Variants in SYTL1 observed in about 807,000 individuals in gnomAD.
The protein encoded by SYTL1 is synaptotagmin-like protein 1.
Under a neutral mutation model 74.6 loss-of-function variants are expected in SYTL1, and 53 were observed. That is an observed-to-expected ratio of 0.71 (90% CI 0.57 to 0.89). SYTL1 has a LOEUF of 0.89. Among genes scored for constraint, SYTL1 ranks in the 40% least tolerant of loss-of-function variants. SYTL1 has a pLI of 0.00. For synonymous variants in SYTL1, 329 were observed against 324.9 expected (o/e 1.01, Z -0.14); for missense variants, 728 against 768.7 (o/e 0.95, Z 0.63).
At chr1:27,349,307 T>G in intron 6 of SYTL1, 91 bp from the exon 7 acceptor site, 1 of 1,455,432 alleles carries the variant, frequency 6.9e-7, no homozygotes, top group Non-Finnish European at 9.1e-7. Flanking sequence ...GGCCTGAATC[T>G]GCAGCTCGCT....
rs766353876 is a variant in SYTL1 at position 27,349,199 on chromosome 1, A to G, written c.532+47A>G. On this transcript the variant is annotated intron_variant, in intron 6 of 14. Transcript: ENST00000616558. ...GGAGCACGGAGAGGTTTCGCGGGTC[A>G]GAGGCAGCTCTAAGGGGCCCCAACC... is the stretch of plus-strand genomic sequence containing the variant. The G allele has an allele frequency of 5.6e-6, 9 of 1,593,212 alleles. No homozygotes were observed. The South Asian group carries it at 8.9e-5, about 16-fold the overall frequency.
Position 27,343,580 on chromosome 1 carries a change from G to A in SYTL1, c.-39+1430G>A, listed in dbSNP as rs1020435410. On this transcript the variant is annotated intron_variant, in intron 1 of 14. Coordinates refer to ENST00000616558, the MANE Select transcript of SYTL1 (RefSeq NM_001193308.2). The surrounding 1 kb of genome is among the most constrained non-coding windows in gnomAD (Gnocchi z 5.2). ...GCTGTGAGGTTCCTGGTGCGGGGGA[G>A]TGAGCAGATGTGTGTGTGTGTACGT... Among the ~76,000 whole-genome samples the A allele has an allele frequency of 6.6e-6, 1 of 152,082 alleles. No homozygotes were observed. The highest frequency in any genetic ancestry group is 2.1e-4 in the South Asian group (1 of 4,824).
chr1:27,349,303 A>T (rs2015135420), intron 6 of SYTL1, 95 bp from the exon 7 acceptor site: 1 of 1,458,052 alleles, frequency 6.9e-7, no homozygotes, highest in African/African-American at 1.4e-5. Flanking sequence ...CCGGGGCCTG[A>T]ATCTGCAGCT....
At position 27,353,505 on chromosome 1, in the gene SYTL1, C is replaced by T. The variant is rs375818150; in HGVS notation, c.1549+17C>T. 47 of 1,585,404 alleles carry T rather than the reference C, an allele frequency of 3.0e-5. No individual in the cohort carries two copies. The East Asian group carries it at 5.9e-4, about 20-fold the overall frequency. ...TGGGCACCGGTAAGTGGGACAGCAC[C>T]CTGAGACAGGCCCTGGGACAGGCCC... On this transcript the variant is annotated intron_variant, in intron 14 of 14. Coordinates refer to ENST00000616558, the MANE Select transcript of SYTL1 (RefSeq NM_001193308.2).
In SYTL1 at chr1:27,349,954, A is replaced by C. The variant is rs1264564175; in HGVS notation, c.748-18A>C. 3 of 1,569,034 alleles carry C rather than the reference A, an allele frequency of 1.9e-6. No individual in the cohort carries two copies. In the African/African-American group the frequency reaches 4.1e-5, roughly 21 times the overall value. ...AGCCCTGCGAGCGGCCCTGACTCCC[A>C]CCCACTCCCGTCCGCAGCTGAGCGG... On this transcript the variant is annotated intron_variant, in intron 8 of 14. Transcript: ENST00000616558.
intron 1 of SYTL1, among the ~76,000 whole-genome samples, chr1:27,344,505 T>C (rs977084089): frequency 1.3e-5 from 2 of 149,384 alleles, no homozygotes; most frequent in African/African-American, 2.4e-5. Context: ...CCTCCCAAAG[T>C]GTTGGGATTA....
At chr1:27,353,195 T>G in intron 13 of SYTL1, 88 bp from the exon 14 acceptor site, 1 of 1,331,350 alleles carries the variant, frequency 7.5e-7, no homozygotes, top group Non-Finnish European at 1.0e-6. Context: ...CATGGACATA[T>G]GTGAGAGAGA....
In SYTL1 at chr1:27,343,480, G is replaced by A. The variant is rs1272195194; in HGVS notation, c.-39+1330G>A. 6.7e-6 allele frequency among the ~76,000 whole-genome samples: 1 copy of A among 149,218 alleles called. No homozygotes were observed. The highest frequency in any genetic ancestry group is 1.5e-5 in the Non-Finnish European group (1 of 68,006). On this transcript the variant is annotated intron_variant, in intron 1 of 14. Coordinates refer to ENST00000616558, the MANE Select transcript of SYTL1 (RefSeq NM_001193308.2). The surrounding 1 kb of genome is among the most constrained non-coding windows in gnomAD (Gnocchi z 5.2). ...GGAGAGGAAGTTGGGGGTGTGGGCTGAGGAGGAGGTTGCCTCAGACAGGAA... is the reference window on the plus strand; with the variant it reads ...GGAGAGGAAGTTGGGGGTGTGGGCTAAGGAGGAGGTTGCCTCAGACAGGAA...
chr1:27,349,775 G>A lies in SYTL1; in HGVS notation c.747+10G>A, dbSNP rs1347036966. The A allele has an allele frequency of 3.1e-6, 5 of 1,589,694 alleles. No homozygotes were observed. The highest frequency in any genetic ancestry group is 4.3e-6 in the Non-Finnish European group (5 of 1,174,128). On this transcript the variant is annotated intron_variant, in intron 8 of 14. Transcript: ENST00000616558. The stretch of plus-strand genomic sequence containing the variant: ...CCTTAACTCCTCCACGGTGAGGCGG[G>A]AGGGAGGGGACCCGGGCGGCCGGGG...
At chr1:27,346,975 A>G (rs1344521059) in intron 2 of SYTL1, among the ~76,000 whole-genome samples, 1 of 151,830 alleles carries the variant, frequency 6.6e-6, no homozygotes, top group East Asian at 1.9e-4. Context: ...ATAAAAAATT[A>G]GCTGGGCATG....
chr1:27,349,446 A>G lies in SYTL1; in HGVS notation c.581A>G (p.Glu194Gly). ...QQVCAEEADPELEPASGGEQE... is the reference protein window; with the variant it reads ...QQVCAEEADPGLEPASGGEQE... The stretch of plus-strand genomic sequence containing the variant: ...GTCTGTGCCGAGGAGGCTGACCCGG[A>G]GCTGGAGCCCGCGTCGGGGGGAGAG... Residue 194 changes from glutamate to glycine, a missense_variant, in exon 7 of 15, where the codon GAG (glutamate) becomes GGG (glycine). Physicochemically the swap from Glu to Gly is moderately conservative, Grantham distance 98. Coordinates refer to ENST00000616558, the MANE Select transcript of SYTL1 (RefSeq NM_001193308.2). 6.9e-7 allele frequency: 1 copy of G among 1,453,602 alleles called. No individual in the cohort carries two copies. The highest frequency in any genetic ancestry group is 1.5e-5 in the South Asian group (1 of 68,178). 90.0% of individuals were successfully genotyped at this position (1,453,602 alleles called of 1,614,324 possible).
rs2014946869 is a variant in SYTL1, at chr1:27,345,286, TCTGCCCC to T, written c.-38-9_-38-3del. 2.9e-6 allele frequency: 4 copies of T among 1,388,710 alleles called. No homozygotes were observed. Among genetic ancestry groups the T allele is most frequent in the Non-Finnish European group, 3.8e-6 (4 of 1,051,196 alleles). 86.0% of individuals were successfully genotyped at this position (1,388,710 alleles called of 1,614,324 possible). On this transcript the variant is annotated splice_polypyrimidine_tract_variant and splice_region_variant and intron_variant, in intron 1 of 14. Coordinates refer to ENST00000616558, the MANE Select transcript of SYTL1 (RefSeq NM_001193308.2). This position sits in a 1 kb window ranked among gnomAD's most constrained non-coding sequence, Gnocchi z 6.0. ...GTGCAGGGCTTGACCTGACCCTCGGTCTGCCCCCAGGAAGCTCCGTGTGCCCAGCTGG... is the reference window on the plus strand; with the variant it reads ...GTGCAGGGCTTGACCTGACCCTCGGTCAGGAAGCTCCGTGTGCCCAGCTGG...
Position 27,347,319 on chromosome 1 carries a change from C to A in SYTL1, c.192-102C>A, listed in dbSNP as rs1265314435. The A allele has an allele frequency of 2.7e-6, 4 of 1,495,738 alleles. No individual in the cohort carries two copies. Among genetic ancestry groups the A allele is most frequent in the Non-Finnish European group, 3.7e-6 (4 of 1,086,402 alleles). The allele number at this position is 1,495,738 out of a possible 1,614,324, so 92.7% of individuals were successfully genotyped here. A position where few individuals can be genotyped will look rare whatever the true frequency, so the allele number is the denominator to read the frequency against. On this transcript the variant is annotated intron_variant, in intron 2 of 14. Transcript: ENST00000616558. The surrounding 1 kb of genome is among the most constrained non-coding windows in gnomAD (Gnocchi z 4.9). ...CACAGCACAGATCAAGTCTGATTTG[C>A]TGTTGGGTCCCTGGCCCCTGGTCCC...
At position 27,345,496 on chromosome 1, in the gene SYTL1, C is replaced by T. The variant is rs1383132605; in HGVS notation, c.162C>T (p.Arg54=). Residue 54 remains arginine, a synonymous_variant, in exon 2 of 15, where the codon CGC becomes CGT. Transcript: ENST00000616558. The surrounding 1 kb of genome is among the most constrained non-coding windows in gnomAD (Gnocchi z 6.0). ...AIAGVLQRDA[R]LRQLEEGRVS... ...CTGGCGTCCTCCAACGAGATGCCCG[C>T]CTGCGCCAGCTGGAGGAGGGGCGGG... 6 of 1,557,420 alleles carry T rather than the reference C, an allele frequency of 3.9e-6. No homozygotes were observed. Among genetic ancestry groups the T allele is most frequent in the African/African-American group, 1.4e-5 (1 of 73,786 alleles).
In SYTL1 at chr1:27,343,761, T is replaced by G. The variant is rs1393500259; in HGVS notation, c.-38-1536T>G. On this transcript the variant is annotated intron_variant, in intron 1 of 14. Transcript: ENST00000616558. The surrounding 1 kb of genome is among the most constrained non-coding windows in gnomAD (Gnocchi z 5.2). ...TTGAGGGTGACTCCCTCTCCCTGCC[T>G]CCAAGGAGCTCACAACCCAGTTAGC... Among the ~76,000 whole-genome samples the G allele has an allele frequency of 3.3e-5, 5 of 152,178 alleles. No individual in the cohort carries two copies. The highest frequency in any genetic ancestry group is 1.2e-4 in the African/African-American group (5 of 41,450).
In SYTL1 at chr1:27,345,409, G is replaced by C. The variant is rs2014955520; in HGVS notation, c.75G>C (p.Lys25Asn). The C allele has an allele frequency of 1.3e-6, 2 of 1,560,712 alleles. No individual in the cohort carries two copies. Among genetic ancestry groups the C allele is most frequent in the South Asian group, 1.2e-5 (1 of 84,576 alleles). The part of the protein sequence containing the change: ...LPSLPMAHGP[K>N]PETEGLLDLS... The stretch of plus-strand genomic sequence containing the variant: ...CCCTCCCCATGGCGCATGGGCCAAA[G>C]CCTGAGACTGAAGGACTGTTGGACC... The change falls in exon 2 of 15, where the codon AAG becomes AAC. Residue 25 changes from lysine (K) to asparagine (N), a missense_variant. Coordinates refer to ENST00000616558, the MANE Select transcript of SYTL1 (RefSeq NM_001193308.2). The surrounding 1 kb of genome is among the most constrained non-coding windows in gnomAD (Gnocchi z 6.0).
Position 27,348,438 on chromosome 1 carries a change from G to A in SYTL1, c.459+426G>A, listed in dbSNP as rs767954374. Among the ~76,000 whole-genome samples the A allele has an allele frequency of 3.3e-5, 5 of 151,716 alleles. No homozygotes were observed. Among genetic ancestry groups the A allele is most frequent in the South Asian group, 2.1e-4 (1 of 4,794 alleles). ...AAAAAATAAATAAAAAAAAAAGGCC[G>A]GTCGTGGCAGCTCACGCCTATAATC... is the stretch of plus-strand genomic sequence containing the variant. On this transcript the variant is annotated intron_variant, in intron 5 of 14. Transcript: ENST00000616558. This position sits in a 1 kb window ranked among gnomAD's most constrained non-coding sequence, Gnocchi z 4.1.
At position 27,346,634 on chromosome 1, in the gene SYTL1, C is replaced by T. The variant is rs137943489; in HGVS notation, c.192-787C>T. Among the ~76,000 whole-genome samples the T allele has an allele frequency of 2.3e-3, 356 of 152,030 alleles. 5 individuals carry two copies. The highest frequency in any genetic ancestry group is 8.0e-3 in the African/African-American group (333 of 41,452). ...AAAATTAGCCTGGCGTGGTGGTGTG[C>T]GCCTGTAGTCCCAGCTATTTAGGCA... On this transcript the variant is annotated intron_variant, in intron 2 of 14. Transcript: ENST00000616558.
Position 27,350,145 on chromosome 1 carries a change from C to G in SYTL1, c.908+13C>G, listed in dbSNP as rs781290225. On this transcript the variant is annotated intron_variant, in intron 9 of 14. Transcript: ENST00000616558. The surrounding 1 kb of genome is among the most constrained non-coding windows in gnomAD (Gnocchi z 6.3). ...GCCGCTCGGACCCGTGAGTGCCCCG[C>G]CGGCCAAGCGGGGCGCGGCTGTCAC... 9 of 1,400,016 alleles carry G rather than the reference C, an allele frequency of 6.4e-6. No homozygotes were observed. The South Asian group carries it at 1.5e-4, about 23-fold the overall frequency. 86.7% of individuals were successfully genotyped at this position (1,400,016 alleles called of 1,614,324 possible).
Sources: allele counts gnomAD v4.1 joint callset (sites outside exome capture counted in the v4.1 genomes callset), GRCh38; gene constraint gnomAD v4.1.1; non-coding constraint Gnocchi (gnomAD v3.1); transcripts MANE v1.5; gene names NCBI Gene and HGNC (gene_info 2026-07-23, HGNC 2026-07-21).